The following CT45A10 variants were observed in gnomAD, a reference collection of about 807,000 sequenced individuals.
CT45A10 encodes cancer/testis antigen family 45 member A10.
CT45A10 carries 19 observed loss-of-function variants against 8.3 expected under a neutral mutation model. The ratio of observed to expected loss-of-function variants is 2.30; its 90% confidence interval spans 1.61 to 3.38. The LOEUF is 3.38. Ranked by LOEUF, CT45A10 falls within the 30% of genes most tolerant of loss-of-function variation. The pLI is 0.00. For missense variants in CT45A10, 149 were observed against 85.9 expected (o/e 1.73, Z -2.90); for synonymous variants, 28 against 26.5 (o/e 1.06, Z -0.17).
chrX:135,882,570 G>T lies in CT45A10; in HGVS notation c.478C>A (p.Arg160=). The T allele has an allele frequency of 3.5e-6, 4 of 1,145,272 alleles. No homozygotes were observed. The highest frequency in any genetic ancestry group is 4.7e-6 in the Non-Finnish European group (4 of 860,119). The allele number at this position is 1,145,272 out of a possible 1,213,427, so 94.4% of individuals were successfully genotyped here. A position where few individuals can be genotyped will look rare whatever the true frequency, so the allele number is the denominator to read the frequency against. Residue 160 remains arginine (R), a synonymous_variant, in exon 4 of 5, where the codon CGA becomes AGA. Coordinates refer to ENST00000682849, the MANE Select transcript of CT45A10 (RefSeq NM_001291529.2). The part of the protein sequence containing the change: ...GVQGPTAVRK[R]FFESIIKEAA... ...TCCTTGATGATGGATTCAAAAAATC[G>T]TTTCCTGACTGCAGTAGGTCCTTGC...
At chrX:135,882,899 C>T in intron 3 of CT45A10, 109 bp downstream of exon 3, 1 of 962,092 alleles carries the variant, frequency 1.0e-6, no homozygotes, top group Non-Finnish European at 1.4e-6. Flanking sequence ...TATGTGCAGT[C>T]TCAACTCTGG....
chrX:135,889,516 C>T (rs1556589141), intron 1 of CT45A10, among the ~76,000 whole-genome samples: 1 of 109,592 alleles, frequency 9.1e-6, no homozygotes, highest in East Asian at 2.8e-4. Context: ...GAAGCAACAA[C>T]AACAACAAAC....
intron 1 of CT45A10, among the ~76,000 whole-genome samples, chrX:135,887,623 C>A: frequency 2.9e-5 from 3 of 102,202 alleles, no homozygotes; most frequent in African/African-American, 3.4e-5. Flanking sequence ...GTTAAATGAC[C>A]AATAAACACA....
At chrX:135,892,195 G>A (rs1603116400) in intron 1 of CT45A10, among the ~76,000 whole-genome samples, 1 of 110,996 alleles carries the variant, frequency 9.0e-6, no homozygotes, top group Admixed American at 9.6e-5. Flanking sequence ...GGTGGCATGC[G>A]CTTGTAGTCC....
intron 1 of CT45A10, among the ~76,000 whole-genome samples, chrX:135,890,520 C>G (rs2088490754): frequency 8.9e-6 from 1 of 112,456 alleles, no homozygotes; most frequent in Admixed American, 9.4e-5. Flanking sequence ...TGAGTGGAAG[C>G]ATGGCCAGAT....
intron 1 of CT45A10, among the ~76,000 whole-genome samples, chrX:135,890,790 A>C (rs1323044933): frequency 8.9e-6 from 1 of 112,435 alleles, no homozygotes; most frequent in Non-Finnish European, 1.9e-5. Flanking sequence ...ACAAACAGAT[A>C]ATTGTTTTAA....
intron 1 of CT45A10, among the ~76,000 whole-genome samples, chrX:135,892,782 G>A (rs1041559751): frequency 8.9e-6 from 1 of 112,052 alleles, no homozygotes; most frequent in African/African-American, 3.2e-5. Flanking sequence ...AGCTGAGAGC[G>A]AGCAACATCT....
intron 4 of CT45A10, 141 bp downstream of exon 4, chrX:135,882,395 T>C (rs1198012128): frequency 5.3e-6 from 3 of 563,857 alleles, no homozygotes; most frequent in East Asian, 5.3e-5. Flanking sequence ...TTAGCCTAAG[T>C]AACTGTGGAG....
At chrX:135,882,879 C>T in intron 3 of CT45A10, 129 bp downstream of exon 3, 2 of 753,169 alleles carry the variant, frequency 2.7e-6, no homozygotes, top group Non-Finnish European at 3.9e-6. Context: ...AAAGAGGAAC[C>T]ACCATAAATT....
At position 135,892,486 on chromosome X, in the gene CT45A10, T is replaced by A. The variant is rs781900376; in HGVS notation, c.-7+859A>T. Among the ~76,000 whole-genome samples the A allele has an allele frequency of 6.3e-5, 7 of 111,028 alleles. No homozygotes were observed. The South Asian group carries it at 2.7e-3, about 42-fold the overall frequency. On this transcript the variant is annotated intron_variant, in intron 1 of 4. Coordinates refer to ENST00000682849, the MANE Select transcript of CT45A10 (RefSeq NM_001291529.2). ...GCTATGGCTGAAAGGTCAGATAGAA[T>A]CCCAGGGAAGAGCTCCCTCAGGACT... is the stretch of plus-strand genomic sequence containing the variant.
intron 1 of CT45A10, among the ~76,000 whole-genome samples, chrX:135,886,781 G>T (rs1274409313): frequency 2.0e-4 from 12 of 61,496 alleles, no homozygotes; most frequent in South Asian, 1.6e-3. Context: ...TTTTTTTTTT[G>T]AGTCGGAGCC....
rs1603111355 is a variant in CT45A10 at position 135,883,047 on chromosome X, T to G, written c.379A>C (p.Lys127Gln). 5 of 1,198,782 alleles carry G rather than the reference T, an allele frequency of 4.2e-6. No homozygotes were observed. The highest frequency in any genetic ancestry group is 5.6e-6 in the Non-Finnish European group (5 of 885,694). ...KSQQEINADI[K>Q]CQVVKEIRCL... ...CGGATTTCCTTCACTACTTGACATT[T>G]TATATCAGCATTAATTTCTTGTTGG... is the stretch of plus-strand genomic sequence containing the variant. The change falls in exon 3 of 5, where the codon AAA (lysine) becomes CAA (glutamine). Residue 127 changes from lysine (K) to glutamine (Q), a missense_variant. Lys to Gln is a moderately conservative substitution (Grantham distance 53, BLOSUM62 1). Transcript: ENST00000682849.
chrX:135,889,477 C>CAAAA (rs10645547), intron 1 of CT45A10, among the ~76,000 whole-genome samples: 1 of 89,121 alleles, frequency 1.1e-5, no homozygotes. Context: ...AAGACTCCAT[C>CAAAA]AAAAAAAAAA....
chrX:135,891,235 T>A (rs1354436606), intron 1 of CT45A10, among the ~76,000 whole-genome samples: 1 of 110,778 alleles, frequency 9.0e-6, no homozygotes, highest in Non-Finnish European at 1.9e-5. Context: ...CCATAAAGAA[T>A]ACATTGTTTA....
intron 2 of CT45A10, among the ~76,000 whole-genome samples, chrX:135,883,841 GT>G (rs2088419650): frequency 2.6e-5 from 1 of 38,314 alleles, no homozygotes; most frequent in Non-Finnish European, 5.0e-5. Context: ...CCCTTTTACT[GT>G]ATGATTTTCC....
chrX:135,883,555 A>T (rs1360741391), intron 2 of CT45A10, among the ~76,000 whole-genome samples: 4 of 109,332 alleles, frequency 3.7e-5, no homozygotes, highest in African/African-American at 1.0e-4. Flanking sequence ...AGATATGGAA[A>T]CCAAGTAAGG....
chrX:135,890,656 C>A (rs1446252582), intron 1 of CT45A10, among the ~76,000 whole-genome samples: 6 of 112,018 alleles, frequency 5.4e-5, no homozygotes, highest in African/African-American at 1.9e-4. Context: ...CCTTTATTGG[C>A]ACTTTGGTTT....
chrX:135,889,605 C>G (rs782047836), intron 1 of CT45A10, among the ~76,000 whole-genome samples: 1 of 111,465 alleles, frequency 9.0e-6, no homozygotes, highest in African/African-American at 3.3e-5. Flanking sequence ...AATGTCAGCA[C>G]CTTGGGAGGC....
chrX:135,890,420 C>G lies in CT45A10; in HGVS notation c.-7+2925G>C, dbSNP rs575895397. 1.4e-4 allele frequency among the ~76,000 whole-genome samples: 16 copies of G among 112,455 alleles called. No homozygotes were observed. In the South Asian group the frequency reaches 5.5e-3, roughly 39 times the overall value. On this transcript the variant is annotated intron_variant, in intron 1 of 4. Transcript: ENST00000682849. ...AGCAGGCCCCCGCGGAGGATCAACG[C>G]AGTGGCTGAACACCAGGAAGGAACT...
Sources: gnomAD v4.1 joint callset for allele counts (sites outside exome capture counted in the v4.1 genomes callset) on GRCh38, gnomAD v4.1.1 for gene constraint, MANE v1.5 for transcripts, NCBI Gene and HGNC (gene_info 2026-07-23, HGNC 2026-07-21) for gene names.